Variants in PGBD2 observed in about 807,000 individuals in gnomAD.
PGBD2 encodes the protein piggyBac transposable element derived 2.
PGBD2 carries 6 observed loss-of-function variants against 8.1 expected under a neutral mutation model. The observed-to-expected ratio is 0.74, with a 90% CI of 0.40 to 1.46. The LOEUF (loss-of-function observed/expected upper bound fraction) is 1.46. PGBD2 is among the 40% of genes most tolerant of loss of function. The probability of loss-of-function intolerance (pLI) is 0.02; values close to 1 mark genes in which losing one functional copy is unlikely to be tolerated. For missense variants in PGBD2, 802 were observed against 739.0 expected (o/e 1.09, Z -0.99); for synonymous variants, 318 against 272.2 (o/e 1.17, Z -1.66).
chr1:248,914,611 G>A (rs766991354), intron 2 of PGBD2: 1 of 1,288,092 alleles, frequency 7.8e-7, no homozygotes, highest in East Asian at 5.6e-5. Flanking sequence ...CTGTTGGGAT[G>A]GAGGGTCCTC....
At chr1:248,906,432 T>G (rs1399003702) in intron 1 of PGBD2, 90 bp downstream of exon 1, 1 of 151,868 alleles carries the variant, frequency 6.6e-6, no homozygotes, top group African/African-American at 2.4e-5. Context: ...AACGGCGGCA[T>G]CCGAGGAGTT....
chr1:248,873,668 G>C, the PGBD2 span, among the ~76,000 whole-genome samples: 3 of 152,306 alleles, frequency 2.0e-5, no homozygotes, highest in Admixed American at 6.5e-5. Flanking sequence ...GCCTGGGAGA[G>C]CGCTATCGGC....
the PGBD2 span, among the ~76,000 whole-genome samples, chr1:248,874,316 G>A: frequency 9.2e-5 from 14 of 152,180 alleles, no homozygotes; most frequent in Admixed American, 2.6e-4. Flanking sequence ...TCCCGGTCAG[G>A]AAAGTAAGCC....
the PGBD2 span, among the ~76,000 whole-genome samples, chr1:248,888,163 G>T: frequency 9.0e-3 from 1,374 of 152,284 alleles, 5 homozygotes; most frequent in Non-Finnish European, 0.015. Flanking sequence ...ATCCACCGTG[G>T]ATGGTCATCT....
At chr1:248,929,122 G>T in the PGBD2 span, among the ~76,000 whole-genome samples, 1 of 152,150 alleles carries the variant, frequency 6.6e-6, no homozygotes, top group Non-Finnish European at 1.5e-5. Context: ...ATATAAGGGA[G>T]AAATGTTTAA....
rs530855340 is a variant in PGBD2 at position 248,911,038 on chromosome 1, G to GC, written c.-47-2771dup. On this transcript the variant is annotated intron_variant, in intron 1 of 2. Coordinates refer to ENST00000329291, the MANE Select transcript of PGBD2 (RefSeq NM_170725.3). ...TAATCTTTCCCTCCCAGCCCTATTT[G>GC]CCCCCCCATCTCGAGCACCCACGAA... Among the ~76,000 whole-genome samples, 166 of 151,560 alleles carry GC rather than the reference G, an allele frequency of 1.1e-3. 1 individual carries two copies. The South Asian group carries it at 0.015, about 13-fold the overall frequency.
intron 1 of PGBD2, among the ~76,000 whole-genome samples, chr1:248,907,257 C>G (rs191901577): frequency 6.6e-6 from 1 of 152,192 alleles, no homozygotes; most frequent in South Asian, 2.1e-4. Flanking sequence ...TTCTCTCTGC[C>G]CAAACATTTC....
chr1:248,875,093 CG>C, the PGBD2 span, among the ~76,000 whole-genome samples: 1 of 151,868 alleles, frequency 6.6e-6, no homozygotes, highest in African/African-American at 2.4e-5. Flanking sequence ...GTCAGGAGAT[CG>C]AGACCATCCC....
At chr1:248,913,036 A>T (rs1661965430) in intron 1 of PGBD2, among the ~76,000 whole-genome samples, 1 of 152,020 alleles carries the variant, frequency 6.6e-6, no homozygotes, top group African/African-American at 2.4e-5. Context: ...TCCCGACCTC[A>T]GGTGATCTGC....
At chr1:248,914,485 G>C in intron 2 of PGBD2, 4 of 1,288,754 alleles carry the variant, frequency 3.1e-6, no homozygotes, top group Non-Finnish European at 4.0e-6. Context: ...CAGCATGGCA[G>C]CTGACAGTCA....
chr1:248,909,557 C>T (rs141971539), intron 1 of PGBD2, among the ~76,000 whole-genome samples: 5 of 152,006 alleles, frequency 3.3e-5, no homozygotes, highest in African/African-American at 7.3e-5. Context: ...TTTGGTTCAG[C>T]GAGTATTTAT....
chr1:248,909,949 T>C (rs1661806649), intron 1 of PGBD2, among the ~76,000 whole-genome samples: 1 of 152,276 alleles, frequency 6.6e-6, no homozygotes, highest in Non-Finnish European at 1.5e-5. Flanking sequence ...GGCAAGTTCT[T>C]GGTAGGCTGT....
At chr1:248,873,179 G>A in the PGBD2 span, among the ~76,000 whole-genome samples, 1 of 151,846 alleles carries the variant, frequency 6.6e-6, no homozygotes, top group Admixed American at 6.6e-5. Flanking sequence ...ACAGCCCACC[G>A]GGAGGACACT....
chr1:248,873,961 C>T, the PGBD2 span, among the ~76,000 whole-genome samples: 48 of 152,280 alleles, frequency 3.2e-4, 1 homozygote, highest in South Asian at 4.1e-4. Flanking sequence ...ACTTCTGACA[C>T]ATTCGTTTTA....
the PGBD2 span, among the ~76,000 whole-genome samples, chr1:248,883,298 T>A: frequency 6.6e-6 from 1 of 151,948 alleles, no homozygotes; most frequent in African/African-American, 2.4e-5. Context: ...TAATTTTGTA[T>A]TTTTAGTAGA....
chr1:248,892,483 G>A, the PGBD2 span, among the ~76,000 whole-genome samples: 56 of 152,012 alleles, frequency 3.7e-4, no homozygotes, highest in East Asian at 8.5e-3. Context: ...GGATGGAGGC[G>A]TGAAGGTCTG....
In PGBD2 at chr1:248,916,645, G is replaced by T; in HGVS notation, c.61G>T (p.Ala21Ser). Residue 21 changes from alanine (A) to serine (S), a missense_variant, in exon 3 of 3, where the codon GCA becomes TCA. Physicochemically the swap from Ala to Ser is moderately conservative, Grantham distance 99 (BLOSUM62 1). Transcript: ENST00000329291. Reference protein sequence around the residue: ...GRGIHSKVKSAKLLEVLNAME... With the variant: ...GRGIHSKVKSSKLLEVLNAME... ...AGGTATCCACTCAAAGGTGAAGTCT[G>T]CAAAGCTGCTTGAGGTTCTGAATGC... The T allele has an allele frequency of 1.9e-6, 3 of 1,614,170 alleles. No homozygotes were observed. Among genetic ancestry groups the T allele is most frequent in the Non-Finnish European group, 2.5e-6 (3 of 1,180,022 alleles).
the PGBD2 span, among the ~76,000 whole-genome samples, chr1:248,928,601 G>A: frequency 6.6e-6 from 1 of 152,128 alleles, no homozygotes. Flanking sequence ...TGTTCTGAGG[G>A]AGAAAAACTA....
chr1:248,898,443 C>T, the PGBD2 span, among the ~76,000 whole-genome samples: 4 of 152,258 alleles, frequency 2.6e-5, 1 homozygote, highest in African/African-American at 4.8e-5. Context: ...CGTGAGCCAC[C>T]GCACCTGGCT....
Sources: allele counts gnomAD v4.1 joint callset (sites outside exome capture counted in the v4.1 genomes callset), GRCh38; gene constraint gnomAD v4.1.1; transcripts MANE v1.5; gene names NCBI Gene and HGNC (gene_info 2026-07-23, HGNC 2026-07-21).